GRID2: variants seen among roughly 807,000 people sequenced by gnomAD.
GRID2 encodes glutamate receptor ionotropic, delta-2.
In GRID2, 33 loss-of-function variants were observed where a neutral mutation model predicts 114.8. The ratio of observed to expected loss-of-function variants is 0.29; its 90% CI spans 0.22 to 0.38. The LOEUF (loss-of-function observed/expected upper bound fraction) is 0.38, where lower values mean the gene tolerates loss of function less well. Ranked by LOEUF, GRID2 falls within the 10% of genes least tolerant of loss-of-function variation. GRID2 has a pLI of 1.00. For missense variants in GRID2, 1,184 were observed against 1,257.7 expected (o/e 0.94, Z 0.89); for synonymous variants, 505 against 449.9 (o/e 1.12, Z -1.55).
At chr4:92,747,524 G>A (rs1363051658) in intron 2 of GRID2, among the ~76,000 whole-genome samples, 1 of 152,108 alleles carries the variant, frequency 6.6e-6, no homozygotes, top group Non-Finnish European at 1.5e-5. Flanking sequence ...ATGTTATCAG[G>A]GAGGGAGGGG....
intron 11 of GRID2, among the ~76,000 whole-genome samples, chr4:93,471,566 A>T (rs181647062): frequency 1.3e-5 from 2 of 152,088 alleles, no homozygotes; most frequent in Non-Finnish European, 2.9e-5. Context: ...TTTGCTAGAA[A>T]ATTTACCCTT....
chr4:92,562,733 A>C (rs1255713886), intron 1 of GRID2, among the ~76,000 whole-genome samples: 1 of 152,164 alleles, frequency 6.6e-6, no homozygotes, highest in Non-Finnish European at 1.5e-5. Context: ...TTGGCTCTCC[A>C]AACCACATTT....
At chr4:92,453,490 CA>C (rs1226674269) in intron 1 of GRID2, among the ~76,000 whole-genome samples, 3 of 152,066 alleles carry the variant, frequency 2.0e-5, no homozygotes, top group African/African-American at 7.2e-5. Flanking sequence ...ACATAAGTAT[CA>C]AAAACCGATG....
chr4:93,053,052 TC>T (rs963536877), intron 2 of GRID2, among the ~76,000 whole-genome samples: 137 of 151,998 alleles, frequency 9.0e-4, no homozygotes, highest in African/African-American at 3.1e-3. Flanking sequence ...AGAAATGTAC[TC>T]CCCTACCAAA....
chr4:93,672,896 T>A (rs1724550840), intron 14 of GRID2, among the ~76,000 whole-genome samples: 1 of 152,222 alleles, frequency 6.6e-6, no homozygotes, highest in African/African-American at 2.4e-5. Flanking sequence ...TTAAAAAAGT[T>A]GAATGTAAAA....
chr4:93,021,571 A>T (rs1560802499), intron 2 of GRID2, among the ~76,000 whole-genome samples: 1 of 145,840 alleles, frequency 6.9e-6, no homozygotes, highest in East Asian at 2.0e-4. Flanking sequence ...ATAATAAATA[A>T]TATATATTAT....
At chr4:93,403,644 A>T (rs191855182) in intron 9 of GRID2, among the ~76,000 whole-genome samples, 1 of 152,168 alleles carries the variant, frequency 6.6e-6, no homozygotes, top group South Asian at 2.1e-4. Context: ...ATAGTTTTCC[A>T]TCAAGGAAAT....
intron 13 of GRID2, among the ~76,000 whole-genome samples, chr4:93,587,156 TC>T (rs1737620475): frequency 6.6e-6 from 1 of 152,060 alleles, no homozygotes; most frequent in Non-Finnish European, 1.5e-5. Context: ...TACCCAGCAT[TC>T]TTTGTGCCAC....
intron 13 of GRID2, among the ~76,000 whole-genome samples, chr4:93,592,810 A>G (rs1738540564): frequency 6.6e-6 from 1 of 152,190 alleles, no homozygotes; most frequent in Non-Finnish European, 1.5e-5. Flanking sequence ...ACCATTATGT[A>G]ATGGCCTTCT....
intron 1 of GRID2, among the ~76,000 whole-genome samples, chr4:92,487,167 T>C (rs1375600576): frequency 2.0e-5 from 3 of 152,050 alleles, no homozygotes; most frequent in Admixed American, 1.3e-4. Context: ...TTATATTTCA[T>C]TGATTTATTT....
chr4:92,900,264 A>G (rs1033894953), intron 2 of GRID2, among the ~76,000 whole-genome samples: 2 of 152,090 alleles, frequency 1.3e-5, no homozygotes, highest in African/African-American at 4.8e-5. Context: ...TTAACGTTTT[A>G]TCTACTTTTT....
chr4:93,562,576 G>A (rs753494528), intron 13 of GRID2, among the ~76,000 whole-genome samples: 14 of 151,952 alleles, frequency 9.2e-5, no homozygotes, highest in Non-Finnish European at 1.9e-4. Context: ...TTTGGATTAT[G>A]CCTTTGGTAG....
chr4:93,781,933 A>G (rs1734489118), intron 1 of GRID2, among the ~76,000 whole-genome samples: 1 of 152,172 alleles, frequency 6.6e-6, no homozygotes, highest in African/African-American at 2.4e-5. Context: ...AATGAACAAA[A>G]TCTCAAGTCA....
At chr4:92,978,982 C>G (rs920461557) in intron 2 of GRID2, among the ~76,000 whole-genome samples, 2 of 151,998 alleles carry the variant, frequency 1.3e-5, no homozygotes, top group African/African-American at 4.8e-5. Context: ...GATTGCACCC[C>G]TGCACTCCAG....
At chr4:92,501,898 A>T (rs1864844408) in intron 1 of GRID2, among the ~76,000 whole-genome samples, 1 of 152,206 alleles carries the variant, frequency 6.6e-6, no homozygotes, top group African/African-American at 2.4e-5. Context: ...CATATGAAAC[A>T]GTTTGATGAT....
rs559698270 is a variant in GRID2 at position 93,467,078 on chromosome 4, G to A, written c.1858+11104G>A. Among the ~76,000 whole-genome samples the A allele has an allele frequency of 1.5e-4, 23 of 152,138 alleles. No homozygotes were observed. The South Asian group carries it at 3.7e-3, about 25-fold the overall frequency. Reference sequence around the variant, plus strand: ...TTGCAACACTAAAATATACCATGCCGGATCTGAAAACAAATTCTCAGTAAC... The same window carrying A: ...TTGCAACACTAAAATATACCATGCCAGATCTGAAAACAAATTCTCAGTAAC... On this transcript the variant is annotated intron_variant, in intron 11 of 15. Coordinates refer to ENST00000282020, the MANE Select transcript of GRID2 (RefSeq NM_001510.4).
intron 1 of GRID2, among the ~76,000 whole-genome samples, chr4:92,583,488 A>T (rs1056612140): frequency 6.6e-6 from 1 of 152,004 alleles, no homozygotes; most frequent in African/African-American, 2.4e-5. Context: ...ACCTCATGAT[A>T]AAAAGATACA....
chr4:93,702,374 CATT>C (rs1310821024), intron 14 of GRID2, among the ~76,000 whole-genome samples: 1 of 152,120 alleles, frequency 6.6e-6, no homozygotes, highest in Non-Finnish European at 1.5e-5. Context: ...TTTCTCTAAA[CATT>C]GTGTTTTTGA....
intron 12 of GRID2, among the ~76,000 whole-genome samples, chr4:93,497,662 G>A (rs1357969933): frequency 6.6e-6 from 1 of 151,376 alleles, no homozygotes; most frequent in Non-Finnish European, 1.5e-5. Flanking sequence ...AAAATCTGTT[G>A]GCCATACTAT....
Sources: gnomAD v4.1 joint callset for allele counts (sites outside exome capture counted in the v4.1 genomes callset) on GRCh38, gnomAD v4.1.1 for gene constraint, MANE v1.5 for transcripts, NCBI Gene and HGNC (gene_info 2026-07-23, HGNC 2026-07-21) for gene names.